Variants in THPO observed in about 807,000 individuals in gnomAD.
THPO encodes the protein MPL ligand.
A neutral mutation model predicts 17.0 loss-of-function variants in THPO; 12 were observed. The observed-to-expected ratio is 0.71, with a 90% CI of 0.45 to 1.14. THPO has a LOEUF of 1.14. THPO is among the 50% of genes most tolerant of loss of function. The probability of loss-of-function intolerance (pLI) is 0.00; values close to 1 mark genes in which losing one functional copy is unlikely to be tolerated. For synonymous variants in THPO, 188 were observed against 183.0 expected (o/e 1.03, Z -0.22); for missense variants, 365 against 427.5 (o/e 0.85, Z 1.29).
At chr3:184,375,719 G>T (rs1031991617) in intron 3 of THPO, 118 bp from the exon 4 acceptor site, 2 of 1,456,200 alleles carry the variant, frequency 1.4e-6, no homozygotes, top group Non-Finnish European at 9.6e-7. Context: ...TTAAATGCGG[G>T]CTGTATTGTG....
chr3:184,374,850 A>C (rs777731815), intron 4 of THPO, among the ~76,000 whole-genome samples: 9 of 152,104 alleles, frequency 5.9e-5, no homozygotes, highest in Non-Finnish European at 1.3e-4. Context: ...GTGCATTGGC[A>C]TGATCTCAGC....
Position 184,375,560 on chromosome 3 carries a change from C to A in THPO, c.183G>T (p.Leu61=), listed in dbSNP as rs200666378. Residue 61 remains leucine, a synonymous_variant, in exon 4 of 6, where the codon CTG becomes CTT. Coordinates refer to ENST00000647395, the MANE Select transcript of THPO (RefSeq NM_000460.4). ...PEVHPLPTPV[L]LPAVDFSLGE... Reference sequence around the variant, plus strand: ...CCAAGCTAAAGTCCACAGCAGGCAGCAGGACAGGTGTAGGCAAAGGGTGAA... The same window carrying A: ...CCAAGCTAAAGTCCACAGCAGGCAGAAGGACAGGTGTAGGCAAAGGGTGAA... 86 of 1,614,134 alleles carry A rather than the reference C, an allele frequency of 5.3e-5. 1 individual carries two copies. The Middle Eastern group carries it at 3.1e-3, about 59-fold the overall frequency.
In THPO at chr3:184,375,538, A is replaced by G; in HGVS notation, c.205T>C (p.Leu69=). The stretch of plus-strand genomic sequence containing the variant: ...ACCATCTGGGTTTTCCATTCTCCCA[A>G]GCTAAAGTCCACAGCAGGCAGCAGG... ...PVLLPAVDFS[L]GEWKTQMEET... The change falls in exon 4 of 6, where the codon TTG becomes CTG. Residue 69 remains leucine (L), a synonymous_variant. Transcript: ENST00000647395. The G allele has an allele frequency of 6.2e-7, 1 of 1,614,174 alleles. No homozygotes were observed. Among genetic ancestry groups the G allele is most frequent in the South Asian group, 1.1e-5 (1 of 91,082 alleles).
intron 1 of THPO, among the ~76,000 whole-genome samples, chr3:184,376,818 C>T (rs1487059384): frequency 6.7e-6 from 1 of 148,782 alleles, no homozygotes; most frequent in Non-Finnish European, 1.5e-5. Flanking sequence ...GCACTCCAGC[C>T]TGGGCAATAA....
Position 184,372,348 on chromosome 3 carries a change from T to G in THPO, c.*165A>C. 1.3e-6 allele frequency: 1 copy of G among 799,056 alleles called. No individual in the cohort carries two copies. The highest frequency in any genetic ancestry group is 2.6e-5 in the East Asian group (1 of 37,928). The allele number at this position is 799,056 out of a possible 1,614,324, so 49.5% of individuals were successfully genotyped here. A position where few individuals can be genotyped will look rare whatever the true frequency, so the allele number is the denominator to read the frequency against. The stretch of plus-strand genomic sequence containing the variant: ...AAAAATAGCTTCTGAAGGTTTATAA[T>G]GTACAGTGAAAAATGATTCCCTTTT... On this transcript the variant is annotated 3_prime_UTR_variant, in exon 6 of 6. Coordinates refer to ENST00000647395, the MANE Select transcript of THPO (RefSeq NM_000460.4).
In THPO at chr3:184,372,238, C is replaced by G. The variant is rs1002635142; in HGVS notation, c.*275G>C. The G allele has an allele frequency of 2.2e-6, 1 of 451,876 alleles. No individual in the cohort carries two copies. Among genetic ancestry groups the G allele is most frequent in the Non-Finnish European group, 4.1e-6 (1 of 245,618 alleles). 28.0% of individuals were successfully genotyped at this position (451,876 alleles called of 1,614,324 possible). ...TTGCAGAGTTATCACAGAAAAAGAG[C>G]ATGTAGAGAATCAGTGAGTTGCAAA... is the stretch of plus-strand genomic sequence containing the variant. On this transcript the variant is annotated 3_prime_UTR_variant, in exon 6 of 6. Coordinates refer to ENST00000647395, the MANE Select transcript of THPO (RefSeq NM_000460.4).
intron 4 of THPO, among the ~76,000 whole-genome samples, chr3:184,374,459 A>G (rs936723286): frequency 2.6e-5 from 4 of 152,080 alleles, no homozygotes; most frequent in Admixed American, 2.6e-4. Flanking sequence ...TTCTAGACAC[A>G]TGTTAGTTTA....
rs933251481 is a variant in THPO at position 184,372,757 on chromosome 3, T to C, written c.818A>G (p.Asp273Gly). 7.4e-6 allele frequency: 12 copies of C among 1,613,706 alleles called. No homozygotes were observed. The African/African-American group carries it at 1.5e-4, about 20-fold the overall frequency. Residue 273 changes from aspartate (D) to glycine (G), a missense_variant, in exon 6 of 6, where the codon GAC becomes GGC. Transcript: ENST00000647395. ...GPSRRTLGAP[D>G]ISSGTSDTGS... ...TGTGTCTGATGTTCCTGAGGAAATG[T>C]CCGGGGCTCCTAGGGTCCTGCGTGA...
At position 184,375,574 on chromosome 3, in the gene THPO, G is replaced by A; in HGVS notation, c.169C>T (p.Pro57Ser). The A allele has an allele frequency of 6.2e-7, 1 of 1,614,120 alleles. No individual in the cohort carries two copies. Among genetic ancestry groups the A allele is most frequent in the Non-Finnish European group, 8.5e-7 (1 of 1,180,002 alleles). ...ACAGCAGGCAGCAGGACAGGTGTAGGCAAAGGGTGAACCTCTGGGCACTGG... is the reference window on the plus strand; with the variant it reads ...ACAGCAGGCAGCAGGACAGGTGTAGACAAAGGGTGAACCTCTGGGCACTGG... ...LSQCPEVHPL[P>S]TPVLLPAVDF... Residue 57 changes from proline (P) to serine (S), a missense_variant, in exon 4 of 6, where the codon CCT (proline) becomes TCT (serine). Transcript: ENST00000647395.
upstream of THPO, among the ~76,000 whole-genome samples, chr3:184,379,225 G>A (rs2108630024): frequency 6.6e-6 from 1 of 152,298 alleles, no homozygotes. Context: ...GGATAGCTGG[G>A]AGGATAGTGG....
At position 184,372,439 on chromosome 3, in the gene THPO, T is replaced by A; in HGVS notation, c.*74A>T. ...GAGAAAGTAGGAAATCTTGTCCAGT[T>A]GTCTCCCAGGGGCGCCCTGCAGGGA... On this transcript the variant is annotated 3_prime_UTR_variant, in exon 6 of 6. Transcript: ENST00000647395. The A allele has an allele frequency of 6.4e-7, 1 of 1,573,786 alleles. No individual in the cohort carries two copies. Among genetic ancestry groups the A allele is most frequent in the Non-Finnish European group, 8.7e-7 (1 of 1,144,446 alleles).
At position 184,372,822 on chromosome 3, in the gene THPO, G is replaced by A. The variant is rs140658452; in HGVS notation, c.753C>T (p.His251=). Residue 251 remains histidine (H), a synonymous_variant, in exon 6 of 6, where the codon CAC becomes CAT. Coordinates refer to ENST00000647395, the MANE Select transcript of THPO (RefSeq NM_000460.4). Reference sequence around the variant, plus strand: ...GTCCACGAGTTCCATTCAAGAGTTCGTGTATCCTGTTCAGGTATCCGGGGA... The same window carrying A: ...GTCCACGAGTTCCATTCAAGAGTTCATGTATCCTGTTCAGGTATCCGGGGA... The part of the protein sequence containing the change: ...DQIPGYLNRI[H]ELLNGTRGLF... The A allele has an allele frequency of 6.1e-5, 99 of 1,614,008 alleles. No individual in the cohort carries two copies. Among genetic ancestry groups the A allele is most frequent in the Non-Finnish European group, 7.7e-5 (91 of 1,180,034 alleles).
At chr3:184,377,503 C>T (rs1714518266) in intron 1 of THPO, among the ~76,000 whole-genome samples, 1 of 152,314 alleles carries the variant, frequency 6.6e-6, no homozygotes, top group Admixed American at 6.5e-5. Flanking sequence ...CCTCCCTGCC[C>T]CCTTGGCAGA....
At position 184,372,680 on chromosome 3, in the gene THPO, G is replaced by A. The variant is rs1714001854; in HGVS notation, c.895C>T (p.Pro299Ser). 6.2e-7 allele frequency: 1 copy of A among 1,612,992 alleles called. No individual in the cohort carries two copies. The highest frequency in any genetic ancestry group is 1.3e-5 in the African/African-American group (1 of 74,894). The change falls in exon 6 of 6, where the codon CCT becomes TCT. Residue 299 changes from proline (P) to serine (S), a missense_variant. Transcript: ENST00000647395. ...QPGYSPSPTH[P>S]PTGQYTLFPL... ...AAGAGCGTATACTGTCCAGTAGGAG[G>A]ATGGGTTGGGGAAGGAGAATATCCA...
upstream of THPO, chr3:184,378,450 G>A: frequency 1.4e-5 from 13 of 951,394 alleles, no homozygotes; most frequent in Non-Finnish European, 1.6e-5. Flanking sequence ...TGGGGAAGAA[G>A]CACAGAGGTC....
chr3:184,378,014 C>T (rs1006413332), intron 1 of THPO, 61 bp downstream of exon 1: 2 of 981,048 alleles, frequency 2.0e-6, no homozygotes, highest in African/African-American at 1.7e-5. Flanking sequence ...CAGCTGGGAG[C>T]CCATTTCTCT....
upstream of THPO, among the ~76,000 whole-genome samples, chr3:184,379,120 G>A (rs530553826): frequency 5.9e-5 from 9 of 152,258 alleles, no homozygotes; most frequent in East Asian, 1.7e-3. Context: ...TCCTCCCCAA[G>A]GATGGGCATG....
intron 1 of THPO, among the ~76,000 whole-genome samples, chr3:184,377,067 G>C (rs1327978176): frequency 6.6e-6 from 1 of 152,078 alleles, no homozygotes; most frequent in Non-Finnish European, 1.5e-5. Flanking sequence ...GGATAGAGAA[G>C]GAAAGTATTG....
At chr3:184,373,965 C>A (rs146986846) in intron 4 of THPO, among the ~76,000 whole-genome samples, 1 of 152,226 alleles carries the variant, frequency 6.6e-6, no homozygotes. Context: ...CAGTGGCTCA[C>A]GCCTGTAATC....
Sources: gnomAD v4.1 joint callset for allele counts (sites outside exome capture counted in the v4.1 genomes callset) on GRCh38, gnomAD v4.1.1 for gene constraint, MANE v1.5 for transcripts, NCBI Gene and HGNC (gene_info 2026-07-23, HGNC 2026-07-21) for gene names.